ZNF846: variants seen among roughly 807,000 people sequenced by gnomAD.
The protein encoded by ZNF846 is zinc finger protein 846.
In ZNF846, 15 loss-of-function variants were observed where a neutral mutation model predicts 16.0. The ratio of observed to expected loss-of-function variants is 0.94; its 90% CI spans 0.63 to 1.45. The LOEUF is 1.45. Among genes scored for constraint, ZNF846 ranks in the 40% most tolerant of loss-of-function variants. The pLI, the probability that ZNF846 is intolerant of heterozygous loss-of-function variation, is 0.00. For synonymous variants in ZNF846, 229 were observed against 212.0 expected (o/e 1.08, Z -0.70); for missense variants, 714 against 622.3 (o/e 1.15, Z -1.57).
rs778390135 is a variant in ZNF846 at position 9,757,554 on chromosome 19, C to T, written c.1523G>A (p.Cys508Tyr). Residue 508 changes from cysteine (C) to tyrosine (Y), a missense_variant, in exon 6 of 6, where the codon TGT becomes TAT. Transcript: ENST00000397902. ...AGTGAAGTTTTTCCCACATTTCTTACATTCATATGGTTTTGCTCCAGTGTG... is the reference window on the plus strand; with the variant it reads ...AGTGAAGTTTTTCCCACATTTCTTATATTCATATGGTTTTGCTCCAGTGTG... 6 of 1,612,708 alleles carry T rather than the reference C, an allele frequency of 3.7e-6. No individual in the cohort carries two copies. The Admixed American group carries it at 6.7e-5, about 18-fold the overall frequency.
At chr19:9,754,400 C>T (rs1433781225), downstream of ZNF846, among the ~76,000 whole-genome samples, 1 of 150,866 alleles carries the variant, frequency 6.6e-6, no homozygotes, top group Non-Finnish European at 1.5e-5. Context: ...CCTGTCTCTA[C>T]TAATACTACA....
At chr19:9,776,128 CAT>C (rs534625126) in intron 1 of ZNF846, among the ~76,000 whole-genome samples, 290 of 152,290 alleles carry the variant, frequency 1.9e-3, no homozygotes, top group African/African-American at 6.7e-3. Context: ...CCAGGTGGAC[CAT>C]GGTCTAGCGG....
chr19:9,757,232 C>CA (rs2045145962), downstream of ZNF846, among the ~76,000 whole-genome samples: 1 of 151,016 alleles, frequency 6.6e-6, no homozygotes, highest in Admixed American at 6.6e-5. Context: ...GTGGAAGAAA[C>CA]AAAGGCTTTA....
At chr19:9,771,019 A>T (rs893742423), upstream of ZNF846, among the ~76,000 whole-genome samples, 1 of 152,046 alleles carries the variant, frequency 6.6e-6, no homozygotes, top group Non-Finnish European at 1.5e-5. Flanking sequence ...GGTTACATGG[A>T]TAAGTTCTTT....
At chr19:9,768,726 G>C (rs989647341), upstream of ZNF846, 1 of 152,396 alleles carries the variant, frequency 6.6e-6, no homozygotes. Flanking sequence ...GCTGGAGAGC[G>C]GGGAATACGT....
At chr19:9,762,196 G>A (rs1450803588) in intron 3 of ZNF846, 28 bp from the exon 4 acceptor site, 1 of 1,582,830 alleles carries the variant, frequency 6.3e-7, no homozygotes, top group Non-Finnish European at 8.7e-7. Context: ...CAAAAGAAGA[G>A]GCCCATGCAA....
intron 1 of ZNF846, among the ~76,000 whole-genome samples, chr19:9,782,860 C>A (rs2145324815): frequency 6.6e-6 from 1 of 152,244 alleles, no homozygotes; most frequent in East Asian, 1.9e-4. Context: ...AAAATGCACA[C>A]CTGTGGCTCT....
At chr19:9,763,035 C>A (rs377259029) in intron 3 of ZNF846, among the ~76,000 whole-genome samples, 2 of 151,824 alleles carry the variant, frequency 1.3e-5, no homozygotes, top group Non-Finnish European at 2.9e-5. Flanking sequence ...TCCCAGCTAC[C>A]TGGGAGGCTG....
intron 5 of ZNF846, 119 bp from the exon 6 acceptor site, chr19:9,758,883 A>G: frequency 1.2e-6 from 1 of 867,922 alleles, no homozygotes; most frequent in Non-Finnish European, 1.7e-6. Flanking sequence ...CATATCCATT[A>G]TATGTACAGA....
chr19:9,765,249 C>T (rs142389136), intron 1 of ZNF846, among the ~76,000 whole-genome samples: 35 of 152,278 alleles, frequency 2.3e-4, no homozygotes, highest in African/African-American at 8.4e-4. Flanking sequence ...GTGGTGCATG[C>T]CTGTAATCCT....
At chr19:9,758,637 C>A (rs779723340) in exon 6 of ZNF846, 3 of 1,613,118 alleles carry the variant, frequency 1.9e-6, no homozygotes, top group Middle Eastern at 1.6e-4. Context: ...GGCTTTTCCA[C>A]TCTGATTATC....
chr19:9,764,638 C>T (rs963167023), intron 2 of ZNF846, among the ~76,000 whole-genome samples: 3 of 152,210 alleles, frequency 2.0e-5, no homozygotes, highest in Non-Finnish European at 4.4e-5. Context: ...GGTGACCCCC[C>T]TGGACCCAGC....
At position 9,781,280 on chromosome 19, in the gene ZNF846, C is replaced by T. The variant is rs546266308; in HGVS notation, c.-86+4658G>A. ...TAGCTGGAATTACAGGCATGCACCA[C>T]CACGCCCTGTAATTTTTGTATTTTT... On this transcript the variant is annotated intron_variant, in intron 1 of 4. Transcript: ENST00000586814. Among the ~76,000 whole-genome samples the T allele has an allele frequency of 2.0e-5, 3 of 152,264 alleles. No individual in the cohort carries two copies. The South Asian group carries it at 6.2e-4, about 32-fold the overall frequency.
At chr19:9,770,579 T>C (rs1314995234), upstream of ZNF846, among the ~76,000 whole-genome samples, 1 of 149,836 alleles carries the variant, frequency 6.7e-6, no homozygotes, top group Non-Finnish European at 1.5e-5. Context: ...TCAATAAAAA[T>C]AAGAATAGCT....
upstream of ZNF846, among the ~76,000 whole-genome samples, chr19:9,773,221 T>C (rs1488827476): frequency 6.6e-6 from 1 of 152,110 alleles, no homozygotes; most frequent in Non-Finnish European, 1.5e-5. Context: ...TGAGATAGGG[T>C]CTTCCTATGT....
At chr19:9,767,926 T>TC (rs1480593427) in intron 1 of ZNF846, among the ~76,000 whole-genome samples, 2 of 152,060 alleles carry the variant, frequency 1.3e-5, no homozygotes, top group African/African-American at 2.4e-5. Flanking sequence ...AGAGCGAAAC[T>TC]CCGTCTCAAA....
chr19:9,770,347 T>C (rs7256085), upstream of ZNF846, among the ~76,000 whole-genome samples: 1 of 150,194 alleles, frequency 6.7e-6, no homozygotes, highest in East Asian at 2.0e-4. Context: ...AAACACGTGG[T>C]GTTTGGCTTG....
chr19:9,777,148 C>G (rs189170635), intron 1 of ZNF846, among the ~76,000 whole-genome samples: 2 of 146,044 alleles, frequency 1.4e-5, no homozygotes, highest in African/African-American at 5.5e-5. Context: ...CACACACACA[C>G]GCACACACAC....
chr19:9,756,924 G>C (rs1308178121), downstream of ZNF846: 3 of 151,784 alleles, frequency 2.0e-5, no homozygotes, highest in Non-Finnish European at 4.4e-5. Flanking sequence ...TGCTGGGTGT[G>C]GTGGCTCAAG....
Sources: gnomAD v4.1 joint callset for allele counts (sites outside exome capture counted in the v4.1 genomes callset) on GRCh38, gnomAD v4.1.1 for gene constraint, MANE v1.5 for transcripts, NCBI Gene and HGNC (gene_info 2026-07-23, HGNC 2026-07-21) for gene names.